ACER3: variants seen among roughly 807,000 people sequenced by gnomAD.
ACER3 encodes the protein alkCDase 3.
ACER3 carries 16 observed loss-of-function variants against 48.9 expected under a neutral mutation model. The ratio of observed to expected loss-of-function variants is 0.33; its 90% CI spans 0.22 to 0.50. ACER3 has a LOEUF of 0.50. ACER3 is among the 20% of genes least tolerant of loss of function. ACER3 has a pLI of 0.98. For missense variants in ACER3, 227 were observed against 326.0 expected (o/e 0.70, Z 2.34); for synonymous variants, 109 against 107.8 (o/e 1.01, Z -0.07).
intron 1 of ACER3, among the ~76,000 whole-genome samples, chr11:76,883,091 T>G (rs1945571275): frequency 6.6e-6 from 1 of 152,230 alleles, no homozygotes; most frequent in Admixed American, 6.5e-5. Context: ...ATCCCAAGGC[T>G]AAAAGCTGTG....
chr11:76,953,934 C>T (rs1207423326), intron 2 of ACER3, among the ~76,000 whole-genome samples: 2 of 145,070 alleles, frequency 1.4e-5, no homozygotes, highest in Non-Finnish European at 3.0e-5. Flanking sequence ...ATTTTAACAT[C>T]GCTTTAAAAG....
intron 1 of ACER3, among the ~76,000 whole-genome samples, chr11:76,864,815 G>T (rs1048007191): frequency 1.4e-5 from 2 of 139,708 alleles, no homozygotes; most frequent in African/African-American, 5.0e-5. Context: ...GGCCAGGCTG[G>T]TCTCGAACTC....
intron 9 of ACER3, among the ~76,000 whole-genome samples, chr11:77,019,187 G>A (rs186005115): frequency 8.5e-5 from 13 of 152,242 alleles, no homozygotes; most frequent in African/African-American, 2.6e-4. Context: ...GTGGCCGGGC[G>A]CGGTGGCTCA....
intron 2 of ACER3, among the ~76,000 whole-genome samples, chr11:76,950,736 G>T (rs577850443): frequency 6.6e-6 from 1 of 152,084 alleles, no homozygotes; most frequent in African/African-American, 2.4e-5. Flanking sequence ...AAAGTTGTAG[G>T]ATTACAGGCA....
intron 1 of ACER3, among the ~76,000 whole-genome samples, chr11:76,897,382 A>C (rs192463698): frequency 6.6e-6 from 1 of 152,324 alleles, no homozygotes; most frequent in Non-Finnish European, 1.5e-5. Flanking sequence ...CATATCATTG[A>C]ATTTTTCTTG....
Position 77,026,368 on chromosome 11 carries a change from T to C in ACER3, c.*6041T>C, listed in dbSNP as rs1949550001. Reference sequence around the variant, plus strand: ...GAGCTAAATTATTCATACCAATGAATAAGTGAGTCTGTTCTAAGATATAGG... The same window carrying C: ...GAGCTAAATTATTCATACCAATGAACAAGTGAGTCTGTTCTAAGATATAGG... On this transcript the variant is annotated 3_prime_UTR_variant, in exon 11 of 11. Transcript: ENST00000532485. The C allele has an allele frequency of 6.6e-6, 1 of 152,240 alleles. No individual in the cohort carries two copies. The highest frequency in any genetic ancestry group is 2.1e-4 in the South Asian group (1 of 4,838). The allele number at this position is 152,240 out of a possible 1,614,324, so 9.4% of individuals were successfully genotyped here. A position where few individuals can be genotyped will look rare whatever the true frequency, so the allele number is the denominator to read the frequency against.
chr11:77,005,996 T>TATATATATATACGTATATATA (rs1272310391), intron 7 of ACER3, among the ~76,000 whole-genome samples: 16 of 88,908 alleles, frequency 1.8e-4, no homozygotes, highest in East Asian at 1.5e-3. Flanking sequence ...TATATATTTT[T>TATATATATATACGTATATATA]TTTTTTTTTT....
intron 2 of ACER3, among the ~76,000 whole-genome samples, chr11:76,930,064 C>G (rs1381582645): frequency 6.6e-6 from 1 of 151,382 alleles, no homozygotes; most frequent in Non-Finnish European, 1.5e-5. Context: ...CTCCTTGTAC[C>G]TCTGGTAGAA....
At chr11:76,874,321 T>C (rs1238915200) in intron 1 of ACER3, among the ~76,000 whole-genome samples, 1 of 152,078 alleles carries the variant, frequency 6.6e-6, no homozygotes, top group African/African-American at 2.4e-5. Flanking sequence ...GCAGGATGCA[T>C]GTGAAAACAC....
At position 76,902,832 on chromosome 11, in the gene ACER3, G is replaced by A. The variant is rs181917131; in HGVS notation, c.104-23725G>A. The stretch of plus-strand genomic sequence containing the variant: ...GCTCGTGAGACTTGAGCTCACCACA[G>A]TAGTAACAGGAAATGGCTATGAAAT... On this transcript the variant is annotated intron_variant, in intron 1 of 10. Transcript: ENST00000532485. Among the ~76,000 whole-genome samples, 28 of 152,338 alleles carry A rather than the reference G, an allele frequency of 1.8e-4. No homozygotes were observed. The East Asian group carries it at 3.3e-3, about 18-fold the overall frequency.
intron 8 of ACER3, among the ~76,000 whole-genome samples, chr11:77,015,561 G>A (rs1163632210): frequency 6.6e-6 from 1 of 152,172 alleles, no homozygotes; most frequent in Non-Finnish European, 1.5e-5. Flanking sequence ...ACAGGAGTTT[G>A]AATCTTAGAC....
At chr11:76,952,416 C>T (rs11237029) in intron 2 of ACER3, among the ~76,000 whole-genome samples, 86,347 of 151,086 alleles carry the variant, frequency 0.57, 27,834 homozygotes, top group Non-Finnish European at 0.74. Flanking sequence ...CCCGCCACGA[C>T]GCCCGGCTAA....
intron 1 of ACER3, among the ~76,000 whole-genome samples, chr11:76,914,595 G>A (rs1239189897): frequency 6.6e-6 from 1 of 152,174 alleles, no homozygotes; most frequent in African/African-American, 2.4e-5. Flanking sequence ...TACACTATTG[G>A]TGGGAGTGTA....
chr11:76,870,836 A>C (rs894613419), intron 1 of ACER3, among the ~76,000 whole-genome samples: 2 of 152,254 alleles, frequency 1.3e-5, no homozygotes, highest in African/African-American at 4.8e-5. Context: ...GATATAAAAC[A>C]AAACAGCATA....
intron 1 of ACER3, among the ~76,000 whole-genome samples, chr11:76,873,749 A>ATT (rs112877322): frequency 1.0e-4 from 15 of 148,662 alleles, no homozygotes; most frequent in African/African-American, 2.0e-4. Context: ...GAAATGATTG[A>ATT]TTTTTTTTTT....
intron 1 of ACER3, among the ~76,000 whole-genome samples, chr11:76,862,434 T>A (rs1442917722): frequency 6.6e-6 from 1 of 152,252 alleles, no homozygotes; most frequent in African/African-American, 2.4e-5. Flanking sequence ...AAAGGGATCA[T>A]TTGTAATACA....
At chr11:76,952,840 A>G (rs1947721466) in intron 2 of ACER3, among the ~76,000 whole-genome samples, 1 of 150,900 alleles carries the variant, frequency 6.6e-6, no homozygotes, top group African/African-American at 2.4e-5. Flanking sequence ...TAATTTTTGT[A>G]TTTTTAGTAA....
At chr11:76,870,418 G>A (rs1945213971) in intron 1 of ACER3, among the ~76,000 whole-genome samples, 1 of 152,148 alleles carries the variant, frequency 6.6e-6, no homozygotes, top group Non-Finnish European at 1.5e-5. Flanking sequence ...ACAGGTGTGA[G>A]CCACCATGCT....
intron 3 of ACER3, among the ~76,000 whole-genome samples, chr11:76,965,905 G>A (rs10751269): frequency 0.58 from 87,250 of 150,712 alleles, 28,634 homozygotes; most frequent in Non-Finnish European, 0.74. Context: ...ATCAACTAAC[G>A]AGCAAAATAA....
Sources: gnomAD v4.1 joint callset for allele counts (sites outside exome capture counted in the v4.1 genomes callset) on GRCh38, gnomAD v4.1.1 for gene constraint, MANE v1.5 for transcripts, NCBI Gene and HGNC (gene_info 2026-07-23, HGNC 2026-07-21) for gene names.